The following ASTN1 variants were observed in gnomAD, a reference collection of about 807,000 sequenced individuals.
ASTN1 encodes astrotactin 1, also known as astrotactin-1.
Under a neutral mutation model 140.7 loss-of-function variants are expected in ASTN1, and 41 were observed. The observed-to-expected ratio is 0.29, with a 90% CI of 0.23 to 0.38. The LOEUF (loss-of-function observed/expected upper bound fraction) is 0.38. Ranked by LOEUF, ASTN1 falls within the 10% of genes least tolerant of loss-of-function variation. ASTN1 has a pLI of 1.00. For synonymous variants in ASTN1, 640 were observed against 652.2 expected (o/e 0.98, Z 0.29); for missense variants, 1,479 against 1,678.8 (o/e 0.88, Z 2.08).
intron 1 of ASTN1, among the ~76,000 whole-genome samples, chr1:177,065,340 C>G (rs932414531): frequency 5.3e-5 from 8 of 152,176 alleles, no homozygotes; most frequent in East Asian, 1.9e-4. Flanking sequence ...TTCCCAGAAT[C>G]TATGGAAACC....
chr1:177,132,594 C>T (rs1464465100), intron 1 of ASTN1, among the ~76,000 whole-genome samples: 1 of 152,176 alleles, frequency 6.6e-6, no homozygotes. Context: ...AAGCTGTAAT[C>T]TATAATCTAG....
rs747848194 is a variant in ASTN1, at chr1:177,032,544, G to A, written c.777C>T (p.Asn259=). The A allele has an allele frequency of 1.2e-6, 2 of 1,614,006 alleles. No homozygotes were observed. Among genetic ancestry groups the A allele is most frequent in the Non-Finnish European group, 8.5e-7 (1 of 1,180,024 alleles). The change falls in exon 3 of 23, where the codon AAC becomes AAT. Residue 259 remains asparagine, a synonymous_variant. Coordinates refer to ENST00000361833, the MANE Select transcript of ASTN1 (RefSeq NM_004319.3). ...LRHHLQRECM[N]GGEDFASQVT... is the part of the protein sequence containing the mutation. The stretch of plus-strand genomic sequence containing the variant: ...CCTGGCTGGCAAAGTCCTCCCCTCC[G>A]TTCATGCACTCCCTCTGCAGATGGT...
chr1:177,155,372 T>A (rs1481945715), intron 1 of ASTN1, among the ~76,000 whole-genome samples: 2 of 152,102 alleles, frequency 1.3e-5, no homozygotes, highest in Non-Finnish European at 2.9e-5. Context: ...AGAAAAGAAA[T>A]CATTTAGGAG....
chr1:176,995,156 C>T (rs1674378531), intron 8 of ASTN1, among the ~76,000 whole-genome samples: 1 of 152,128 alleles, frequency 6.6e-6, no homozygotes, highest in Non-Finnish European at 1.5e-5. Context: ...ATTCAATGAA[C>T]ATTTATTCAG....
chr1:176,881,304 G>C (rs1259578016), intron 20 of ASTN1, among the ~76,000 whole-genome samples: 1 of 152,224 alleles, frequency 6.6e-6, no homozygotes, highest in Non-Finnish European at 1.5e-5. Flanking sequence ...AGCAAAGACA[G>C]CTGGAGTGAG....
intron 8 of ASTN1, among the ~76,000 whole-genome samples, chr1:176,970,881 A>G (rs1237246799): frequency 1.3e-5 from 2 of 151,978 alleles, no homozygotes; most frequent in African/African-American, 4.8e-5. Flanking sequence ...ATATTATTCT[A>G]CCTGTCATAA....
rs1458970720 is a variant in ASTN1, at chr1:176,906,680, C to T, written c.2672-11850G>A. Among the ~76,000 whole-genome samples the T allele has an allele frequency of 4.6e-5, 7 of 151,790 alleles. 1 individual carries two copies. Among genetic ancestry groups the T allele is most frequent in the African/African-American group, 1.7e-4 (7 of 41,396 alleles). On this transcript the variant is annotated intron_variant, in intron 16 of 22. Transcript: ENST00000361833. ...ACCAGCCTGGCCGACAAGGTAAAAC[C>T]CCATCTCTACAAAAAATATGAAAAT...
At chr1:176,945,864 A>C (rs1440297614) in intron 13 of ASTN1, 62 bp downstream of exon 13, 2 of 1,489,458 alleles carry the variant, frequency 1.3e-6, no homozygotes, top group African/African-American at 2.8e-5. Context: ...TGCTAGTGCA[A>C]ACTCTTTAGA....
At chr1:176,985,747 T>TA (rs1673861916) in intron 8 of ASTN1, among the ~76,000 whole-genome samples, 2 of 152,030 alleles carry the variant, frequency 1.3e-5, no homozygotes, top group South Asian at 4.1e-4. Context: ...GAGGTATAGG[T>TA]ATTGAACCCT....
At chr1:176,867,637 AC>A in intron 22 of ASTN1, among the ~76,000 whole-genome samples, 1 of 152,196 alleles carries the variant, frequency 6.6e-6, no homozygotes, top group Non-Finnish European at 1.5e-5. Context: ...TTGTAGAAAA[AC>A]CCTGCCAGAT....
intron 8 of ASTN1, among the ~76,000 whole-genome samples, chr1:176,980,461 TCTATGAGAC>T (rs141059860): frequency 0.041 from 6,194 of 152,190 alleles, 423 homozygotes; most frequent in African/African-American, 0.14. Flanking sequence ...ACAGCCCGTT[TCTATGAGAC>T]TCTCCCAAAC....
chr1:176,908,386 C>G (rs1230086951), intron 16 of ASTN1, among the ~76,000 whole-genome samples: 7 of 152,176 alleles, frequency 4.6e-5, no homozygotes, highest in Admixed American at 4.6e-4. Context: ...ATCAGGAAAG[C>G]AGACCCACAT....
At chr1:176,893,537 G>A (rs1669358113) in intron 17 of ASTN1, among the ~76,000 whole-genome samples, 1 of 152,168 alleles carries the variant, frequency 6.6e-6, no homozygotes, top group African/African-American at 2.4e-5. Context: ...TGTGGCTGAG[G>A]CAGGTAGGCG....
At chr1:176,934,635 C>T (rs546404191) in intron 15 of ASTN1, among the ~76,000 whole-genome samples, 4 of 150,830 alleles carry the variant, frequency 2.7e-5, no homozygotes, top group Admixed American at 1.3e-4. Context: ...TTTTAAATCA[C>T]AGGTCATGAC....
At chr1:176,966,182 C>G (rs76988470) in intron 8 of ASTN1, among the ~76,000 whole-genome samples, 1 of 152,240 alleles carries the variant, frequency 6.6e-6, no homozygotes. Flanking sequence ...GTAGACATTC[C>G]TTTTGTTTTC....
intron 1 of ASTN1, among the ~76,000 whole-genome samples, chr1:177,081,832 A>C (rs80082521): frequency 0.03 from 4,602 of 152,308 alleles, 232 homozygotes; most frequent in African/African-American, 0.1. Context: ...TGGCTGAATA[A>C]TGTAGAGTCA....
At chr1:177,160,200 T>C (rs1042214154) in intron 1 of ASTN1, among the ~76,000 whole-genome samples, 6 of 152,232 alleles carry the variant, frequency 3.9e-5, no homozygotes, top group Non-Finnish European at 8.8e-5. Context: ...GTTCGAATGA[T>C]GGATCCATCA....
At chr1:177,099,580 T>C (rs1196809691) in intron 1 of ASTN1, among the ~76,000 whole-genome samples, 1 of 152,160 alleles carries the variant, frequency 6.6e-6, no homozygotes, top group East Asian at 1.9e-4. Flanking sequence ...TAAATATTAA[T>C]ATTAAAAATT....
intron 21 of ASTN1, among the ~76,000 whole-genome samples, chr1:176,872,187 G>A (rs1388047324): frequency 6.8e-6 from 1 of 147,412 alleles, no homozygotes; most frequent in Non-Finnish European, 1.5e-5. Flanking sequence ...TATATTAAAT[G>A]TCAAACCTTT....
Sources: gnomAD v4.1 joint callset for allele counts (sites outside exome capture counted in the v4.1 genomes callset) on GRCh38, gnomAD v4.1.1 for gene constraint, MANE v1.5 for transcripts, NCBI Gene and HGNC (gene_info 2026-07-23, HGNC 2026-07-21) for gene names.